EFCC1: variants seen among roughly 807,000 people sequenced by gnomAD.
EFCC1 encodes the protein EF-hand and coiled-coil domain-containing protein 1.
A neutral mutation model predicts 52.1 loss-of-function variants in EFCC1; 50 were observed. The ratio of observed to expected loss-of-function variants is 0.96; its 90% CI spans 0.76 to 1.21. The LOEUF is 1.21. Among genes scored for constraint, EFCC1 ranks in the 50% most tolerant of loss-of-function variants. The probability of loss-of-function intolerance (pLI) is 0.00; values close to 1 mark genes in which losing one functional copy is unlikely to be tolerated. For synonymous variants in EFCC1, 399 were observed against 396.5 expected (o/e 1.01, Z -0.08); for missense variants, 837 against 867.3 (o/e 0.97, Z 0.44).
intron 5 of EFCC1, among the ~76,000 whole-genome samples, chr3:129,035,379 C>T (rs531511136): frequency 6.6e-6 from 1 of 152,224 alleles, no homozygotes; most frequent in African/African-American, 2.4e-5. Flanking sequence ...GCATCCACGC[C>T]AGTGTGCCCA....
At chr3:129,024,634 G>A (rs1333871164) in intron 2 of EFCC1, among the ~76,000 whole-genome samples, 1 of 152,178 alleles carries the variant, frequency 6.6e-6, no homozygotes, top group African/African-American at 2.4e-5. Flanking sequence ...AGGCTTCTTG[G>A]TGCACCGTTC....
At chr3:129,038,111 C>T (rs1946379495) in intron 6 of EFCC1, among the ~76,000 whole-genome samples, 2 of 152,036 alleles carry the variant, frequency 1.3e-5, no homozygotes, top group African/African-American at 2.4e-5. Flanking sequence ...ACAAGAATGC[C>T]TGTCATCACT....
At chr3:129,005,286 G>A (rs1220927407) in intron 2 of EFCC1, among the ~76,000 whole-genome samples, 1 of 152,240 alleles carries the variant, frequency 6.6e-6, no homozygotes, top group Admixed American at 6.5e-5. Flanking sequence ...CTTGAGGATA[G>A]GATGTTACCG....
In EFCC1 at chr3:129,010,442, G is replaced by A. The variant is rs1236174980; in HGVS notation, c.980+6365G>A. Among the ~76,000 whole-genome samples the A allele has an allele frequency of 6.6e-6, 1 of 151,968 alleles. No homozygotes were observed. The highest frequency in any genetic ancestry group is 1.5e-5 in the Non-Finnish European group (1 of 67,966). Reference sequence around the variant, plus strand: ...AGCTCAGCTCAGCCGGAACAGGGAGGAGAGGCCTGGCGGCCTGGCCTCTGG... The same window carrying A: ...AGCTCAGCTCAGCCGGAACAGGGAGAAGAGGCCTGGCGGCCTGGCCTCTGG... On this transcript the variant is annotated intron_variant, in intron 2 of 7. Transcript: ENST00000683648. The surrounding 1 kb of genome is among the most constrained non-coding windows in gnomAD (Gnocchi z 4.3).
chr3:129,008,296 A>T (rs1314895105), intron 2 of EFCC1, among the ~76,000 whole-genome samples: 2 of 152,096 alleles, frequency 1.3e-5, no homozygotes, highest in East Asian at 3.9e-4. Flanking sequence ...TCCTTCTGTA[A>T]CTCACTATGC....
At chr3:129,018,839 CAT>C (rs1480607219) in intron 2 of EFCC1, among the ~76,000 whole-genome samples, 8 of 152,222 alleles carry the variant, frequency 5.3e-5, no homozygotes, top group Non-Finnish European at 1.0e-4. Flanking sequence ...CGTTGTGGCA[CAT>C]GTCTCACTGT....
chr3:129,002,653 A>G (rs1330994528), intron 1 of EFCC1: 4 of 365,764 alleles, frequency 1.1e-5, no homozygotes, highest in Non-Finnish European at 1.9e-5. Flanking sequence ...GTAGTCTCAC[A>G]TATTCCCTTT....
chr3:129,018,075 T>C (rs1945668887), intron 2 of EFCC1, among the ~76,000 whole-genome samples: 1 of 152,184 alleles, frequency 6.6e-6, no homozygotes, highest in Non-Finnish European at 1.5e-5. Context: ...CCCCTCAGGG[T>C]GGTCTTTTTA....
rs1207358636 is a variant in EFCC1 at position 129,002,259 on chromosome 3, C to G, written c.631C>G (p.Arg211Gly). The G allele has an allele frequency of 1.3e-6, 2 of 1,531,026 alleles. No individual in the cohort carries two copies. The highest frequency in any genetic ancestry group is 2.4e-5 in the South Asian group (2 of 83,778). The allele number at this position is 1,531,026 out of a possible 1,614,324, so 94.8% of individuals were successfully genotyped here. A position where few individuals can be genotyped will look rare whatever the true frequency, so the allele number is the denominator to read the frequency against. Residue 211 changes from arginine (R) to glycine (G), a missense_variant, in exon 1 of 8, where the codon CGC becomes GGC. Physicochemically the swap from Arg to Gly is moderately radical, Grantham distance 125 (BLOSUM62 -2). Transcript: ENST00000683648. Reference sequence around the variant, plus strand: ...GCTGGAGGAGGAGAATAGCAGCTTGCGCGAGTTGGTGGAGGACCTGCGCGC... The same window carrying G: ...GCTGGAGGAGGAGAATAGCAGCTTGGGCGAGTTGGTGGAGGACCTGCGCGC... ...ARLEEENSSL[R>G]ELVEDLRAAL...
Position 129,010,346 on chromosome 3 carries a change from G to T in EFCC1, c.980+6269G>T, listed in dbSNP as rs562017146. On this transcript the variant is annotated intron_variant, in intron 2 of 7. Transcript: ENST00000683648. This position sits in a 1 kb window ranked among gnomAD's most constrained non-coding sequence, Gnocchi z 4.3. ...ATGGGGCCTTCAGGACACCGGGGCA[G>T]GGCAGGCAGCCTAGGGCCAGCACCA... 6.6e-6 allele frequency among the ~76,000 whole-genome samples: 1 copy of T among 152,376 alleles called. No homozygotes were observed. Among genetic ancestry groups the T allele is most frequent in the South Asian group, 2.1e-4 (1 of 4,834 alleles).
chr3:129,034,867 C>T (rs112070055), intron 5 of EFCC1, among the ~76,000 whole-genome samples: 1,544 of 152,202 alleles, frequency 0.01, 25 homozygotes, highest in African/African-American at 0.036. Flanking sequence ...GGTGGTGGGG[C>T]GGGTTCAGTG....
At position 129,002,340 on chromosome 3, in the gene EFCC1, GA is replaced by G; in HGVS notation, c.696+18del. Reference sequence around the variant, plus strand: ...AGCACTGCAGGTGCGCGCCGGCCACGAAGGGAGGGTGGTAACGCCCGGGAGA... The same window carrying G: ...AGCACTGCAGGTGCGCGCCGGCCACGAGGGAGGGTGGTAACGCCCGGGAGA... On this transcript the variant is annotated intron_variant, in intron 1 of 7. Transcript: ENST00000683648. The G allele has an allele frequency of 6.6e-7, 1 of 1,512,516 alleles. No homozygotes were observed. The highest frequency in any genetic ancestry group is 8.8e-7 in the Non-Finnish European group (1 of 1,137,022). 93.7% of individuals were successfully genotyped at this position (1,512,516 alleles called of 1,614,324 possible). A position where few individuals can be genotyped will look rare whatever the true frequency, so the allele number is the denominator to read the frequency against.
intron 4 of EFCC1, 118 bp downstream of exon 4, chr3:129,033,084 G>T: frequency 7.3e-7 from 1 of 1,370,250 alleles, no homozygotes; most frequent in Non-Finnish European, 9.5e-7. Context: ...GCCCCTCTGC[G>T]ACTCTGTCCC....
At chr3:129,012,760 G>A (rs4404466) in intron 2 of EFCC1, among the ~76,000 whole-genome samples, 29,410 of 152,174 alleles carry the variant, frequency 0.19, 3,553 homozygotes, top group Middle Eastern at 0.29. Flanking sequence ...AAAGGATGCA[G>A]GTTAGACAGA....
At chr3:129,028,986 C>T (rs1389507819) in intron 2 of EFCC1, among the ~76,000 whole-genome samples, 3 of 152,166 alleles carry the variant, frequency 2.0e-5, no homozygotes, top group East Asian at 1.9e-4. Flanking sequence ...GAGCACTCTC[C>T]TGATGCTCCT....
chr3:129,022,501 T>G (rs138526487), intron 2 of EFCC1, among the ~76,000 whole-genome samples: 1 of 152,228 alleles, frequency 6.6e-6, no homozygotes, highest in African/African-American at 2.4e-5. Flanking sequence ...CTTGTCAGAT[T>G]GTATAAGCCC....
chr3:129,003,316 A>T (rs1944887496), intron 1 of EFCC1: 41 of 982,734 alleles, frequency 4.2e-5, no homozygotes, highest in African/African-American at 8.7e-5. Context: ...ACTATGTGCC[A>T]GGTTTGTTTT....
chr3:129,030,595 C>A, intron 2 of EFCC1, 108 bp from the exon 3 acceptor site: 1 of 1,314,172 alleles, frequency 7.6e-7, no homozygotes, highest in Non-Finnish European at 1.0e-6. Context: ...GAAGCTGACT[C>A]TGCCAGGGTG....
chr3:129,028,204 C>G (rs1946183054), intron 2 of EFCC1, among the ~76,000 whole-genome samples: 2 of 151,846 alleles, frequency 1.3e-5, no homozygotes, highest in Non-Finnish European at 2.9e-5. Context: ...CCGCCACAGC[C>G]TCCTGAGTAG....
Sources: allele counts gnomAD v4.1 joint callset (sites outside exome capture counted in the v4.1 genomes callset), GRCh38; gene constraint gnomAD v4.1.1; non-coding constraint Gnocchi (gnomAD v3.1); transcripts MANE v1.5; gene names NCBI Gene and HGNC (gene_info 2026-07-23, HGNC 2026-07-21).